IL17RA: variants seen among roughly 807,000 people sequenced by gnomAD.
IL17RA encodes interleukin 17 receptor A, also known as interleukin-17 receptor A.
A neutral mutation model predicts 50.4 loss-of-function variants in IL17RA; 34 were observed. The observed-to-expected ratio is 0.67, with a 90% confidence interval of 0.51 to 0.90. IL17RA has a LOEUF of 0.90. IL17RA is among the 40% of genes least tolerant of loss of function. The pLI is 0.00. For synonymous variants in IL17RA, 585 were observed against 510.4 expected (o/e 1.15, Z -1.97); for missense variants, 1,276 against 1,169.8 (o/e 1.09, Z -1.32).
chr22:17,098,407 G>A (rs1440606037), intron 3 of IL17RA, among the ~76,000 whole-genome samples: 1 of 152,188 alleles, frequency 6.6e-6, no homozygotes, highest in Non-Finnish European at 1.5e-5. Flanking sequence ...GGGGCATGGG[G>A]GAAGTTCTTT....
chr22:17,086,880 G>A (rs1194859471), intron 1 of IL17RA, among the ~76,000 whole-genome samples: 2 of 152,234 alleles, frequency 1.3e-5, no homozygotes, highest in Non-Finnish European at 2.9e-5. Flanking sequence ...AGGACAGTGA[G>A]AAAAGATGCC....
rs373346644 is a variant in IL17RA, at chr22:17,112,236, C to G, written c.*2416C>G. ...CTTTGAGCCCATGCCAGTAAATGTCCTGATGGGCATTGCCTACTATCTCCA... is the reference window on the plus strand; with the variant it reads ...CTTTGAGCCCATGCCAGTAAATGTCGTGATGGGCATTGCCTACTATCTCCA... On this transcript the variant is annotated 3_prime_UTR_variant, in exon 13 of 13. Coordinates refer to ENST00000319363, the MANE Select transcript of IL17RA (RefSeq NM_014339.7). 3.3e-5 allele frequency: 5 copies of G among 152,332 alleles called. No homozygotes were observed. Among genetic ancestry groups the G allele is most frequent in the African/African-American group, 1.2e-4 (5 of 41,554 alleles). The allele number at this position is 152,332 out of a possible 1,614,324, so 9.4% of individuals were successfully genotyped here.
chr22:17,114,057 T>G lies in IL17RA; in HGVS notation c.*4237T>G, dbSNP rs1387530452. ...TATGTGTTCCCATATTTGGCGTCTC[T>G]CAGGAGCTCAGGAAGTACTTGGCTG... is the stretch of plus-strand genomic sequence containing the variant. On this transcript the variant is annotated 3_prime_UTR_variant, in exon 13 of 13. Coordinates refer to ENST00000319363, the MANE Select transcript of IL17RA (RefSeq NM_014339.7). The G allele has an allele frequency of 1.3e-5, 2 of 152,230 alleles. No homozygotes were observed. The highest frequency in any genetic ancestry group is 1.3e-4 in the Admixed American group (2 of 15,288). The allele number at this position is 152,230 out of a possible 1,614,324, so 9.4% of individuals were successfully genotyped here.
At chr22:17,106,761 C>T (rs979972202) in intron 11 of IL17RA, among the ~76,000 whole-genome samples, 2 of 152,178 alleles carry the variant, frequency 1.3e-5, no homozygotes, top group African/African-American at 2.4e-5. Context: ...GAAAACCAGC[C>T]AGGCATGGGA....
At chr22:17,101,783 C>T (rs1212500282) in intron 5 of IL17RA, among the ~76,000 whole-genome samples, 2 of 152,224 alleles carry the variant, frequency 1.3e-5, no homozygotes, top group Non-Finnish European at 2.9e-5. Flanking sequence ...GAGGAATGCA[C>T]TTGCATCAGG....
Position 17,100,494 on chromosome 22 carries a change from T to C in IL17RA, c.550+13T>C. 6.2e-7 allele frequency: 1 copy of C among 1,613,596 alleles called. No homozygotes were observed. The highest frequency in any genetic ancestry group is 2.2e-5 in the East Asian group (1 of 44,888). On this transcript the variant is annotated intron_variant, in intron 5 of 12. Transcript: ENST00000319363. ...TTCCTTGTGCCTGGTAAGAGCATCC[T>C]CCCAAGACATTCCCTCCCCAATGGC...
chr22:17,099,656 G>A (rs115510195), intron 4 of IL17RA, among the ~76,000 whole-genome samples: 1 of 152,160 alleles, frequency 6.6e-6, no homozygotes, highest in African/African-American at 2.4e-5. Context: ...ACCCCTCTCC[G>A]ATGTTAAATT....
In IL17RA at chr22:17,094,668, T is replaced by TCTCTCTCTCTCTCTCC. The variant is rs1568917386; in HGVS notation, c.139-2379_139-2378insCCTCTCTCTCTCTCTC. ...TAGTCATACACACACTCTCTCTCTCTCTCTCTCTCTCTCTCTCTCTCTCTA... is the reference window on the plus strand; with the variant it reads ...TAGTCATACACACACTCTCTCTCTCTCTCTCTCTCTCTCTCCCTCTCTCTCTCTCTCTCTCTCTCTA... On this transcript the variant is annotated intron_variant, in intron 1 of 12. Coordinates refer to ENST00000319363, the MANE Select transcript of IL17RA (RefSeq NM_014339.7). 2.6e-4 allele frequency among the ~76,000 whole-genome samples: 9 copies of TCTCTCTCTCTCTCTCC among 34,398 alleles called. 1 individual carries two copies. Among genetic ancestry groups the TCTCTCTCTCTCTCTCC allele is most frequent in the African/African-American group, 1.3e-3 (7 of 5,388 alleles). 22.6% of individuals were successfully genotyped at this position (34,398 alleles called of 152,430 possible). A position where few individuals can be genotyped will look rare whatever the true frequency, so the allele number is the denominator to read the frequency against.
In IL17RA at chr22:17,098,866, A is replaced by G; in HGVS notation, c.402A>G (p.Lys134=). ...RLCVRFEFLS[K]LRHHHRRWRF... ...GCGTCAGGTTTGAGTTTCTGTCCAA[A>G]CTGAGGCATCACCACAGGCGGGTAA... The change falls in exon 4 of 13, where the codon AAA becomes AAG. Residue 134 remains lysine, a synonymous_variant. Transcript: ENST00000319363. 6.2e-7 allele frequency: 1 copy of G among 1,614,090 alleles called. No homozygotes were observed. Among genetic ancestry groups the G allele is most frequent in the Non-Finnish European group, 8.5e-7 (1 of 1,179,972 alleles).
chr22:17,102,101 CCCT>C (rs781768362), intron 6 of IL17RA, 35 bp from the exon 7 acceptor site: 1 of 1,614,048 alleles, frequency 6.2e-7, no homozygotes, highest in Non-Finnish European at 8.5e-7. Flanking sequence ...ATGTGCGTGC[CCCT>C]CCTCACTCCC....
intron 3 of IL17RA, 127 bp from the exon 4 acceptor site, chr22:17,098,648 G>T (rs1400000128): frequency 1.4e-6 from 1 of 739,360 alleles, no homozygotes; most frequent in African/African-American, 1.7e-5. Flanking sequence ...ACAGGATGTG[G>T]AGAGTTGGGT....
chr22:17,109,481 G>A lies in IL17RA; in HGVS notation c.2262G>A (p.Ser754=). 3.7e-6 allele frequency: 6 copies of A among 1,610,990 alleles called. No homozygotes were observed. The highest frequency in any genetic ancestry group is 1.7e-4 in the Middle Eastern group (1 of 6,038). ...AGCACCTCGAAGGCTTGATGCTCTC[G>A]CTCTTCGAGCAGAGTCTGAGCTGCC... ...VREHLEGLML[S]LFEQSLSCQA... is the part of the protein sequence containing the mutation. The change falls in exon 13 of 13, where the codon TCG becomes TCA. Residue 754 remains serine, a synonymous_variant. Coordinates refer to ENST00000319363, the MANE Select transcript of IL17RA (RefSeq NM_014339.7).
chr22:17,091,598 A>G (rs1042511124), intron 1 of IL17RA, among the ~76,000 whole-genome samples: 1 of 151,690 alleles, frequency 6.6e-6, no homozygotes, highest in Non-Finnish European at 1.5e-5. Context: ...GAATGGGGGG[A>G]ACCTGGGAGG....
intron 1 of IL17RA, among the ~76,000 whole-genome samples, chr22:17,087,314 G>A (rs2061331593): frequency 6.6e-6 from 1 of 152,228 alleles, no homozygotes; most frequent in South Asian, 2.1e-4. Context: ...GGCTGCCTGG[G>A]CCTGGGTTCC....
intron 11 of IL17RA, among the ~76,000 whole-genome samples, chr22:17,106,543 T>A (rs558595594): frequency 1.3e-5 from 2 of 152,312 alleles, no homozygotes; most frequent in East Asian, 3.9e-4. Context: ...TGGGGATTAG[T>A]ACATACCAGT....
At chr22:17,096,869 C>CAAAA (rs5844287) in intron 1 of IL17RA, among the ~76,000 whole-genome samples, 193 bp from the exon 2 acceptor site, 1 of 116,102 alleles carries the variant, frequency 8.6e-6, no homozygotes, top group African/African-American at 3.3e-5. Flanking sequence ...GACTCCATCT[C>CAAAA]AAAAAAAAAA....
intron 11 of IL17RA, among the ~76,000 whole-genome samples, chr22:17,106,495 C>G (rs182288144): frequency 6.6e-6 from 1 of 152,188 alleles, no homozygotes; most frequent in Non-Finnish European, 1.5e-5. Context: ...AAGGGTGTGA[C>G]GAAGGTTAAA....
intron 1 of IL17RA, among the ~76,000 whole-genome samples, chr22:17,095,085 A>G (rs1035588909): frequency 2.6e-5 from 4 of 152,122 alleles, no homozygotes; most frequent in African/African-American, 9.7e-5. Context: ...AAAACTATGG[A>G]CCAATCTCAT....
In IL17RA at chr22:17,108,758, C is replaced by T; in HGVS notation, c.1539C>T (p.Val513=). The change falls in exon 13 of 13, where the codon GTC becomes GTT. Residue 513 remains valine, a synonymous_variant. Coordinates refer to ENST00000319363, the MANE Select transcript of IL17RA (RefSeq NM_014339.7). The stretch of plus-strand genomic sequence containing the variant: ...GCGAGGTCAGCTGTGACGGCGACGT[C>T]CCCGACCTGTTCGGCGCGGCGCCGC... ...YFSEVSCDGD[V]PDLFGAAPRY... 3 of 1,611,390 alleles carry T rather than the reference C, an allele frequency of 1.9e-6. No individual in the cohort carries two copies. Among genetic ancestry groups the T allele is most frequent in the South Asian group, 2.2e-5 (2 of 90,808 alleles).
Sources: allele counts gnomAD v4.1 joint callset (sites outside exome capture counted in the v4.1 genomes callset), GRCh38; gene constraint gnomAD v4.1.1; transcripts MANE v1.5; gene names NCBI Gene and HGNC (gene_info 2026-07-23, HGNC 2026-07-21).